The following PRKCA variants were observed in gnomAD, a reference collection of about 807,000 sequenced individuals.
PRKCA encodes protein kinase C alpha.
A neutral mutation model predicts 87.0 loss-of-function variants in PRKCA; 27 were observed. The observed-to-expected ratio is 0.31, with a 90% CI of 0.23 to 0.43. The LOEUF is 0.43. PRKCA is among the 20% of genes least tolerant of loss of function. The pLI is 1.00. For missense variants in PRKCA, 518 were observed against 852.3 expected, an observed-to-expected ratio of 0.61 and a Z score of 4.88; for synonymous variants, 329 against 311.1, an observed-to-expected ratio of 1.06 and a Z score of -0.61.
chr17:66,785,035 C>G (rs569256559), intron 14 of PRKCA, among the ~76,000 whole-genome samples: 1 of 152,334 alleles, frequency 6.6e-6, no homozygotes, highest in South Asian at 2.1e-4. Context: ...TTACACCAAG[C>G]ACTTACAACA....
At chr17:66,615,516 C>A (rs1450122251) in intron 3 of PRKCA, among the ~76,000 whole-genome samples, 3 of 152,146 alleles carry the variant, frequency 2.0e-5, no homozygotes, top group African/African-American at 7.2e-5. Flanking sequence ...ATTTTTGAAA[C>A]AACTCATTCA....
rs1289756906 is a variant in PRKCA, at chr17:66,804,132, G to T, written c.*95G>T. The T allele has an allele frequency of 5.1e-5, 76 of 1,485,776 alleles. No homozygotes were observed. The highest frequency in any genetic ancestry group is 6.0e-5 in the Non-Finnish European group (67 of 1,111,248). The allele number at this position is 1,485,776 out of a possible 1,614,324, so 92.0% of individuals were successfully genotyped here. On this transcript the variant is annotated 3_prime_UTR_variant, in exon 17 of 17. Transcript: ENST00000413366. ...CCTAAAATTTTAAGGCCACGGCCTT[G>T]TGTCTGATTCCATATGGAGGCCTGA... is the stretch of plus-strand genomic sequence containing the variant.
chr17:66,479,117 A>C (rs1277898115), intron 2 of PRKCA, among the ~76,000 whole-genome samples: 2 of 152,234 alleles, frequency 1.3e-5, no homozygotes, highest in Non-Finnish European at 2.9e-5. Context: ...TTTGCAAGCT[A>C]TGCATTCAGC....
intron 3 of PRKCA, among the ~76,000 whole-genome samples, chr17:66,548,660 T>C (rs1968224490): frequency 6.6e-6 from 1 of 152,182 alleles, no homozygotes. Context: ...GGTGACCCTA[T>C]CCTGGACTAT....
intron 5 of PRKCA, among the ~76,000 whole-genome samples, chr17:66,675,720 C>T (rs1266707966): frequency 6.6e-6 from 1 of 152,148 alleles, no homozygotes; most frequent in Admixed American, 6.5e-5. Flanking sequence ...TCAGGAGTGA[C>T]ACTTGGGAGC....
At chr17:66,783,251 C>T (rs1402427820) in intron 14 of PRKCA, among the ~76,000 whole-genome samples, 3 of 152,192 alleles carry the variant, frequency 2.0e-5, no homozygotes, top group Admixed American at 1.3e-4. Context: ...CCTTCCAGCC[C>T]TAGACTAAGA....
At chr17:66,433,830 C>T (rs761436920) in intron 2 of PRKCA, among the ~76,000 whole-genome samples, 3 of 152,186 alleles carry the variant, frequency 2.0e-5, no homozygotes, top group Non-Finnish European at 2.9e-5. Context: ...TAGGTGTGAG[C>T]CACTGCACCC....
chr17:66,794,604 T>C (rs1975619296), intron 16 of PRKCA, among the ~76,000 whole-genome samples: 1 of 149,124 alleles, frequency 6.7e-6, no homozygotes, highest in African/African-American at 2.5e-5. Flanking sequence ...GTTTTTTTTG[T>C]TTTTTGGGGG....
intron 3 of PRKCA, among the ~76,000 whole-genome samples, chr17:66,637,563 A>G (rs2143778305): frequency 6.6e-6 from 1 of 152,266 alleles, no homozygotes; most frequent in Non-Finnish European, 1.5e-5. Context: ...ATAACCTGTC[A>G]AGGAAGATGT....
chr17:66,519,472 A>T (rs1214850798), intron 3 of PRKCA, among the ~76,000 whole-genome samples: 1 of 151,764 alleles, frequency 6.6e-6, no homozygotes, highest in East Asian at 1.9e-4. Context: ...GGTATAGTGG[A>T]CTCTTGCTGC....
chr17:66,332,229 C>CTTTTTTTT (rs59302970), intron 2 of PRKCA, among the ~76,000 whole-genome samples: 2 of 129,924 alleles, frequency 1.5e-5, no homozygotes, highest in African/African-American at 6.2e-5. Context: ...TTCCTTCCTT[C>CTTTTTTTT]TTTTTTTTTT....
At position 66,808,582 on chromosome 17, in the gene PRKCA, G is replaced by A. The variant is rs7220996; in HGVS notation, c.*4545G>A. On this transcript the variant is annotated 3_prime_UTR_variant, in exon 17 of 17. Transcript: ENST00000413366. ...TCACAAAACAGACACTGAGCCAGGG[G>A]CCCAAAGGGTGTGATCATGAGAGTT... 0.05 allele frequency: 7,550 copies of A among 152,372 alleles called. 226 individuals carry two copies. Among genetic ancestry groups the A allele is most frequent in the African/African-American group, 0.087 (3,625 of 41,474 alleles). The allele number at this position is 152,372 out of a possible 1,614,324, so 9.4% of individuals were successfully genotyped here.
At chr17:66,361,782 TAGTAATATAG>T (rs1009868628) in intron 2 of PRKCA, among the ~76,000 whole-genome samples, 1 of 152,200 alleles carries the variant, frequency 6.6e-6, no homozygotes, top group Non-Finnish European at 1.5e-5. Flanking sequence ...TGTCCTAATG[TAGTAATATAG>T]ATAATAAAAT....
chr17:66,799,055 G>GTGGTGA (rs1975791309), intron 16 of PRKCA, among the ~76,000 whole-genome samples: 11 of 82,118 alleles, frequency 1.3e-4, no homozygotes, highest in East Asian at 3.8e-4. Flanking sequence ...GATGGTGATG[G>GTGGTGA]TGGTGGTGGT....
intron 2 of PRKCA, among the ~76,000 whole-genome samples, chr17:66,429,751 C>G (rs577092935): frequency 9.5e-4 from 144 of 152,188 alleles, no homozygotes; most frequent in Non-Finnish European, 1.6e-3. Context: ...AAAATTTAGG[C>G]AAAGGTAGAG....
At chr17:66,641,288 C>A in intron 3 of PRKCA, 67 bp from the exon 4 acceptor site, 2 of 1,159,300 alleles carry the variant, frequency 1.7e-6, no homozygotes, top group Non-Finnish European at 2.6e-6. Flanking sequence ...GGGGCCTGAG[C>A]TTGGCTTAAT....
chr17:66,363,531 A>G (rs1825772944), intron 2 of PRKCA, among the ~76,000 whole-genome samples: 1 of 152,248 alleles, frequency 6.6e-6, no homozygotes, highest in Admixed American at 6.5e-5. Context: ...ATTATCTATC[A>G]TTTAGTGAAT....
chr17:66,354,888 A>G (rs1567786920), intron 2 of PRKCA, among the ~76,000 whole-genome samples: 1 of 152,154 alleles, frequency 6.6e-6, no homozygotes, highest in Non-Finnish European at 1.5e-5. Flanking sequence ...ATCTTCTAGT[A>G]CAATCAGGGG....
intron 8 of PRKCA, among the ~76,000 whole-genome samples, chr17:66,693,980 C>T (rs1404985096): frequency 6.6e-6 from 1 of 152,082 alleles, no homozygotes; most frequent in Non-Finnish European, 1.5e-5. Context: ...CATTGGCATG[C>T]TTAACTATAA....
Sources: gnomAD v4.1 joint callset for allele counts (sites outside exome capture counted in the v4.1 genomes callset) on GRCh38, gnomAD v4.1.1 for gene constraint, MANE v1.5 for transcripts, NCBI Gene and HGNC (gene_info 2026-07-23, HGNC 2026-07-21) for gene names.